Variants in NALCN observed in about 807,000 individuals in gnomAD.
The protein encoded by NALCN is sodium leak channel, non-selective, also known as sodium leak channel NALCN.
NALCN carries 111 observed loss-of-function variants against 225.3 expected under a neutral mutation model. That is an observed-to-expected ratio of 0.49 (90% CI 0.42 to 0.58). The LOEUF (loss-of-function observed/expected upper bound fraction) is 0.58. Among genes scored for constraint, NALCN ranks in the 20% least tolerant of loss-of-function variants. The probability of loss-of-function intolerance (pLI) is 0.00; values close to 1 mark genes in which losing one functional copy is unlikely to be tolerated. For missense variants in NALCN, 1,378 were observed against 2,202.4 expected (o/e 0.63, Z 7.49); for synonymous variants, 764 against 769.0 (o/e 0.99, Z 0.11).
intron 14 of NALCN, among the ~76,000 whole-genome samples, chr13:101,185,914 C>A (rs1425412181): frequency 6.6e-6 from 1 of 152,180 alleles, no homozygotes; most frequent in South Asian, 2.1e-4. Flanking sequence ...CCTTCTCACC[C>A]ATTTGGGTTA....
chr13:101,415,218 TATATATAC>T (rs201780036), intron 1 of NALCN, among the ~76,000 whole-genome samples: 12,284 of 99,184 alleles, frequency 0.12, 2,130 homozygotes, highest in African/African-American at 0.36. Flanking sequence ...CATATATATA[TATATATAC>T]ATACATATAT....
chr13:101,096,670 G>A (rs1243545724), intron 27 of NALCN, among the ~76,000 whole-genome samples: 18 of 152,094 alleles, frequency 1.2e-4, no homozygotes, highest in African/African-American at 3.6e-4. Context: ...CTATGAATAC[G>A]CTAAAAAACC....
At chr13:101,291,941 A>C in intron 9 of NALCN, 49 bp downstream of exon 9, 1 of 1,566,808 alleles carries the variant, frequency 6.4e-7, no homozygotes, top group Non-Finnish European at 8.8e-7. Context: ...TGAGGGTGAG[A>C]CATGTGCATG....
chr13:101,085,177 A>C (rs1463197523), intron 30 of NALCN, among the ~76,000 whole-genome samples: 2 of 152,124 alleles, frequency 1.3e-5, no homozygotes, highest in Non-Finnish European at 2.9e-5. Context: ...TACATGCTGG[A>C]TACTAATCTT....
At chr13:101,070,591 C>G (rs926647181) in intron 37 of NALCN, among the ~76,000 whole-genome samples, 1 of 152,204 alleles carries the variant, frequency 6.6e-6, no homozygotes, top group Admixed American at 6.5e-5. Flanking sequence ...TTATACATCT[C>G]CTGATACAGC....
intron 13 of NALCN, among the ~76,000 whole-genome samples, chr13:101,212,145 A>G (rs12867079): frequency 0.24 from 36,992 of 151,828 alleles, 4,639 homozygotes; most frequent in East Asian, 0.37. Flanking sequence ...TAATTTACTC[A>G]TTTGGTTTTT....
chr13:101,166,693 CT>C (rs146494701), intron 15 of NALCN, among the ~76,000 whole-genome samples: 1,694 of 152,284 alleles, frequency 0.011, 13 homozygotes, highest in East Asian at 0.033. Flanking sequence ...TGGCTTTTCA[CT>C]CTATTGATTG....
chr13:101,285,204 A>G (rs887287839), intron 9 of NALCN, among the ~76,000 whole-genome samples: 5 of 152,200 alleles, frequency 3.3e-5, no homozygotes, highest in Non-Finnish European at 7.3e-5. Flanking sequence ...TAGTGGTGGT[A>G]GATCCTTTGT....
At chr13:101,387,175 T>G (rs968635575) in intron 3 of NALCN, among the ~76,000 whole-genome samples, 2 of 138,122 alleles carry the variant, frequency 1.4e-5, no homozygotes. Flanking sequence ...GAGCCGAGAT[T>G]GCGCCACTGC....
intron 18 of NALCN, among the ~76,000 whole-genome samples, chr13:101,113,515 C>T (rs908043257): frequency 6.6e-6 from 1 of 152,172 alleles, no homozygotes; most frequent in Non-Finnish European, 1.5e-5. Context: ...ACAATCAGAC[C>T]TGCTAAGAGG....
intron 40 of NALCN, 139 bp from the exon 41 acceptor site, chr13:101,062,257 CTT>C (rs2032014566): frequency 1.1e-6 from 1 of 915,088 alleles, no homozygotes; most frequent in Non-Finnish European, 1.6e-6. Context: ...ACCCGCATGT[CTT>C]GGGCTGGTCC....
intron 10 of NALCN, among the ~76,000 whole-genome samples, chr13:101,271,190 A>G (rs998804383): frequency 1.3e-5 from 2 of 152,212 alleles, no homozygotes; most frequent in African/African-American, 4.8e-5. Context: ...ACAGATAAAC[A>G]AATAAATAAA....
At position 101,110,603 on chromosome 13, in the gene NALCN, A is replaced by T; in HGVS notation, c.2364+16T>A. ...TAATCACGTTTCTGAAATCCAAAGC[A>T]TTGCTTAAAACTTACATCTTGAGTC... On this transcript the variant is annotated intron_variant, in intron 20 of 43. Coordinates refer to ENST00000251127, the MANE Select transcript of NALCN (RefSeq NM_052867.4). The T allele has an allele frequency of 6.2e-7, 1 of 1,613,666 alleles. No homozygotes were observed. The highest frequency in any genetic ancestry group is 8.5e-7 in the Non-Finnish European group (1 of 1,179,722).
intron 13 of NALCN, among the ~76,000 whole-genome samples, chr13:101,208,231 C>T (rs768803868): frequency 1.3e-5 from 2 of 152,100 alleles, no homozygotes; most frequent in Non-Finnish European, 2.9e-5. Context: ...GAACAAACAA[C>T]TCCAGATGTG....
rs1296344816 is a variant in NALCN at position 101,104,691 on chromosome 13, A to G, written c.2637-41T>C. ...CAAAATTGAGAAACATAAAGGTTCC[A>G]GGAAAGGCTTCTAAGAGTTAGAGAT... On this transcript the variant is annotated intron_variant, in intron 23 of 43. Coordinates refer to ENST00000251127, the MANE Select transcript of NALCN (RefSeq NM_052867.4). This position sits in a 1 kb window ranked among gnomAD's most constrained non-coding sequence, Gnocchi z 4.2. The G allele has an allele frequency of 6.2e-7, 1 of 1,611,984 alleles. No individual in the cohort carries two copies. Among genetic ancestry groups the G allele is most frequent in the African/African-American group, 1.3e-5 (1 of 74,958 alleles).
At chr13:101,237,120 G>A (rs1456851554) in intron 12 of NALCN, among the ~76,000 whole-genome samples, 1 of 151,676 alleles carries the variant, frequency 6.6e-6, no homozygotes, top group Admixed American at 6.6e-5. Context: ...AACAAAGAAT[G>A]TAACTAATAA....
At chr13:101,281,065 G>C (rs1255499576) in intron 10 of NALCN, among the ~76,000 whole-genome samples, 1 of 151,996 alleles carries the variant, frequency 6.6e-6, no homozygotes, top group Admixed American at 6.6e-5. Flanking sequence ...ATTTTTAGTA[G>C]AGATGGGGTT....
At chr13:101,284,496 C>G (rs1169660504) in intron 9 of NALCN, among the ~76,000 whole-genome samples, 2 of 152,120 alleles carry the variant, frequency 1.3e-5, no homozygotes, top group African/African-American at 4.8e-5. Context: ...CAAGGCTGAA[C>G]AGGAGCACTG....
chr13:101,385,969 C>G (rs1355972911), intron 3 of NALCN, among the ~76,000 whole-genome samples: 1 of 151,978 alleles, frequency 6.6e-6, no homozygotes, highest in African/African-American at 2.4e-5. Context: ...TGAAGTGATG[C>G]CATTTTTTTT....
Sources: allele counts gnomAD v4.1 joint callset (sites outside exome capture counted in the v4.1 genomes callset), GRCh38; gene constraint gnomAD v4.1.1; non-coding constraint Gnocchi (gnomAD v3.1); transcripts MANE v1.5; gene names NCBI Gene and HGNC (gene_info 2026-07-23, HGNC 2026-07-21).